ARHGAP42: variants seen among roughly 807,000 people sequenced by gnomAD.
The protein encoded by ARHGAP42 is rho GTPase-activating protein 42.
In ARHGAP42, 63 loss-of-function variants were observed where a neutral mutation model predicts 125.0. That is an observed-to-expected ratio of 0.50 (90% CI 0.41 to 0.62). The LOEUF is 0.62. Ranked by LOEUF, ARHGAP42 falls within the 20% of genes least tolerant of loss-of-function variation. ARHGAP42 has a pLI of 0.00. For synonymous variants in ARHGAP42, 339 were observed against 351.0 expected, an observed-to-expected ratio of 0.97 and a Z score of 0.38; for missense variants, 766 against 1,024.2, an observed-to-expected ratio of 0.75 and a Z score of 3.44.
rs544454591 is a variant in ARHGAP42 at position 100,935,181 on chromosome 11, T to C, written c.703-1022T>C. Among the ~76,000 whole-genome samples the C allele has an allele frequency of 1.3e-4, 20 of 152,070 alleles. No homozygotes were observed. The South Asian group carries it at 2.7e-3, about 21-fold the overall frequency. ...GAATAAACTCCTTAGATTTAGGTGG[T>C]AGTGATTATTGTATCTTCAGAAACA... On this transcript the variant is annotated intron_variant, in intron 7 of 23. Coordinates refer to ENST00000298815, the MANE Select transcript of ARHGAP42 (RefSeq NM_152432.4).
chr11:100,913,016 A>G (rs903952607), intron 4 of ARHGAP42, among the ~76,000 whole-genome samples: 6 of 152,206 alleles, frequency 3.9e-5, no homozygotes, highest in Non-Finnish European at 8.8e-5. Context: ...GGTTCTTTAG[A>G]CATTATATAT....
intron 3 of ARHGAP42, chr11:100,816,931 A>G (rs908865759): frequency 6.6e-6 from 1 of 152,202 alleles, no homozygotes; most frequent in African/African-American, 2.4e-5. Flanking sequence ...AAGTGGAAAG[A>G]TAGACTTGGA....
intron 4 of ARHGAP42, among the ~76,000 whole-genome samples, chr11:100,872,777 A>G (rs959836827): frequency 1.3e-5 from 2 of 152,142 alleles, no homozygotes; most frequent in Non-Finnish European, 2.9e-5. Context: ...GTTGATTAGC[A>G]TGCCATCATC....
At chr11:100,746,428 G>A (rs1363816535) in intron 1 of ARHGAP42, among the ~76,000 whole-genome samples, 1 of 152,212 alleles carries the variant, frequency 6.6e-6, no homozygotes, top group African/African-American at 2.4e-5. Flanking sequence ...TTGACTGGAG[G>A]ACCACCCTAG....
At chr11:100,729,299 A>G (rs1246398402) in intron 1 of ARHGAP42, among the ~76,000 whole-genome samples, 1 of 151,974 alleles carries the variant, frequency 6.6e-6, no homozygotes, top group African/African-American at 2.4e-5. Flanking sequence ...TTAAGAAATT[A>G]TACAATTTAG....
In ARHGAP42 at chr11:100,977,044, T is replaced by C. The variant is rs1303895888; in HGVS notation, c.2393+73T>C. 5 of 1,507,364 alleles carry C rather than the reference T, an allele frequency of 3.3e-6. No homozygotes were observed. In the South Asian group the frequency reaches 3.7e-5, roughly 11 times the overall value. The allele number at this position is 1,507,364 out of a possible 1,614,324, so 93.4% of individuals were successfully genotyped here. ...GGAGTTGAGTGTTTCAGAAGAACTC[T>C]TGGGAATCCCACAAGTTGAATACAT... is the stretch of plus-strand genomic sequence containing the variant. On this transcript the variant is annotated intron_variant, in intron 21 of 23. Coordinates refer to ENST00000298815, the MANE Select transcript of ARHGAP42 (RefSeq NM_152432.4).
chr11:100,796,135 G>C (rs1166331758), intron 3 of ARHGAP42, among the ~76,000 whole-genome samples: 1 of 152,088 alleles, frequency 6.6e-6, no homozygotes, highest in Admixed American at 6.6e-5. Flanking sequence ...AACAGCATGT[G>C]TGTACTTTCT....
chr11:100,867,279 A>G (rs1018102428), intron 4 of ARHGAP42, among the ~76,000 whole-genome samples: 1 of 152,206 alleles, frequency 6.6e-6, no homozygotes. Context: ...TTCTCTAGCT[A>G]TGAAAGTCCT....
intron 1 of ARHGAP42, among the ~76,000 whole-genome samples, chr11:100,704,145 A>C (rs1253067088): frequency 6.6e-6 from 1 of 152,238 alleles, no homozygotes; most frequent in Non-Finnish European, 1.5e-5. Context: ...CCTTTTAGCT[A>C]GTTGATCCAG....
At chr11:100,975,976 T>A (rs1198208984) in intron 19 of ARHGAP42, 81 bp from the exon 20 acceptor site, 9 of 1,415,824 alleles carry the variant, frequency 6.4e-6, no homozygotes, top group Non-Finnish European at 8.4e-6. Context: ...CATGGTAAGT[T>A]GGAGAACAGA....
At chr11:100,941,627 G>A (rs1176734858) in intron 8 of ARHGAP42, among the ~76,000 whole-genome samples, 157 bp from the exon 9 acceptor site, 1 of 140,708 alleles carries the variant, frequency 7.1e-6, no homozygotes, top group Non-Finnish European at 1.6e-5. Flanking sequence ...ACCCTATACC[G>A]CTGTCCCTCT....
chr11:100,779,530 G>A (rs1310577296), intron 2 of ARHGAP42, among the ~76,000 whole-genome samples: 2 of 114,848 alleles, frequency 1.7e-5, no homozygotes, highest in Non-Finnish European at 3.7e-5. Flanking sequence ...GTATACATGC[G>A]TATATATACG....
intron 4 of ARHGAP42, among the ~76,000 whole-genome samples, chr11:100,863,775 A>G (rs1422372373): frequency 6.6e-6 from 1 of 152,226 alleles, no homozygotes; most frequent in African/African-American, 2.4e-5. Flanking sequence ...TACAGGCCAG[A>G]CATATTACAT....
intron 3 of ARHGAP42, among the ~76,000 whole-genome samples, chr11:100,830,244 G>T (rs545766935): frequency 4.4e-4 from 67 of 152,300 alleles, no homozygotes; most frequent in Non-Finnish European, 7.2e-4. Flanking sequence ...ATGCTCTTTG[G>T]AAGACACTAT....
chr11:100,851,267 G>C (rs1277956094), intron 3 of ARHGAP42, among the ~76,000 whole-genome samples: 1 of 152,100 alleles, frequency 6.6e-6, no homozygotes, highest in East Asian at 1.9e-4. Flanking sequence ...CAAAATGTTA[G>C]CTATAAACAT....
intron 4 of ARHGAP42, among the ~76,000 whole-genome samples, chr11:100,882,250 A>T (rs1865979886): frequency 6.6e-6 from 1 of 152,142 alleles, no homozygotes; most frequent in Admixed American, 6.6e-5. Context: ...GGCTTTTATT[A>T]CGTTGAGCTA....
chr11:100,952,745 T>TTTTTTTTTTTTG (rs1857698136), intron 12 of ARHGAP42, among the ~76,000 whole-genome samples: 2 of 149,276 alleles, frequency 1.3e-5, no homozygotes, highest in Admixed American at 6.7e-5. Flanking sequence ...TTTTTTTTTT[T>TTTTTTTTTTTTG]GAGATGGAGT....
chr11:100,736,735 T>C (rs6590818), intron 1 of ARHGAP42, among the ~76,000 whole-genome samples: 44,754 of 152,140 alleles, frequency 0.29, 6,971 homozygotes, highest in African/African-American at 0.37. Context: ...GTTACTGTTA[T>C]AATAAGCTAA....
chr11:100,763,788 C>T (rs1386244890), intron 1 of ARHGAP42, among the ~76,000 whole-genome samples: 1 of 152,208 alleles, frequency 6.6e-6, no homozygotes, highest in African/African-American at 2.4e-5. Context: ...CCGTGCCCGG[C>T]TCCTTTGTCT....
Sources: gnomAD v4.1 joint callset for allele counts (sites outside exome capture counted in the v4.1 genomes callset) on GRCh38, gnomAD v4.1.1 for gene constraint, MANE v1.5 for transcripts, NCBI Gene and HGNC (gene_info 2026-07-23, HGNC 2026-07-21) for gene names.